Variants in ABI3BP observed in about 807,000 individuals in gnomAD.
The protein encoded by ABI3BP is target of Nesh-SH3.
In ABI3BP, 216 loss-of-function variants were observed where a neutral mutation model predicts 268.6. The ratio of observed to expected loss-of-function variants is 0.80; its 90% confidence interval spans 0.72 to 0.90. The LOEUF (loss-of-function observed/expected upper bound fraction) is 0.90. ABI3BP is among the 40% of genes least tolerant of loss of function. ABI3BP has a pLI of 0.00. For synonymous variants in ABI3BP, 730 were observed against 730.0 expected, an observed-to-expected ratio of 1.00 and a Z score of 0.00; for missense variants, 2,090 against 2,182.4, an observed-to-expected ratio of 0.96 and a Z score of 0.84.
In ABI3BP at chr3:100,749,307, T is replaced by G. The variant is rs1001507087; in HGVS notation, c.*1188A>C. 2.5e-4 allele frequency: 12 copies of G among 48,420 alleles called. No individual in the cohort carries two copies. The Admixed American group carries it at 4.4e-3, about 18-fold the overall frequency. 3.0% of individuals were successfully genotyped at this position (48,420 alleles called of 1,614,324 possible). ...GTATAGTTAACATACTGATGAACCA[T>G]TCAGAAATAACAAACAAAAACTCAA... On this transcript the variant is annotated 3_prime_UTR_variant, in exon 68 of 68. Transcript: ENST00000471714.
At chr3:100,883,148 T>G (rs574069908) in intron 6 of ABI3BP, among the ~76,000 whole-genome samples, 1 of 152,118 alleles carries the variant, frequency 6.6e-6, no homozygotes, top group Admixed American at 6.6e-5. Flanking sequence ...AACCTTACTA[T>G]ATACCATAGT....
chr3:100,804,609 C>T (rs902821924), intron 51 of ABI3BP, among the ~76,000 whole-genome samples, 183 bp downstream of exon 51: 5 of 152,102 alleles, frequency 3.3e-5, no homozygotes, highest in Non-Finnish European at 7.4e-5. Context: ...GTGATCACAG[C>T]TTTACTAGAT....
chr3:100,759,533 A>G (rs1040089523), intron 63 of ABI3BP, among the ~76,000 whole-genome samples: 3 of 152,112 alleles, frequency 2.0e-5, no homozygotes, highest in African/African-American at 7.2e-5. Flanking sequence ...CATAAGGGGC[A>G]TTTTTTTGTG....
intron 6 of ABI3BP, among the ~76,000 whole-genome samples, chr3:100,883,274 T>C (rs1414615970): frequency 6.6e-6 from 1 of 152,118 alleles, no homozygotes; most frequent in East Asian, 1.9e-4. Flanking sequence ...ATAATGCAAT[T>C]GAGATATCAC....
chr3:100,880,660 C>A (rs1018711745), intron 6 of ABI3BP, among the ~76,000 whole-genome samples: 1 of 152,066 alleles, frequency 6.6e-6, no homozygotes, highest in African/African-American at 2.4e-5. Flanking sequence ...TGCTTTCTTG[C>A]CATGGCTAGG....
chr3:100,873,423 G>A (rs1459441337), intron 9 of ABI3BP, among the ~76,000 whole-genome samples: 1 of 152,134 alleles, frequency 6.6e-6, no homozygotes, highest in African/African-American at 2.4e-5. Flanking sequence ...TAAGTCTCCA[G>A]GGCAGGGAGG....
At chr3:100,812,595 C>G in intron 45 of ABI3BP, 72 bp from the exon 46 acceptor site, 1 of 990,708 alleles carries the variant, frequency 1.0e-6, no homozygotes, top group South Asian at 4.0e-5. Flanking sequence ...GCTTTGCATC[C>G]AGTAAGTGTT....
Position 100,796,460 on chromosome 3 carries a change from C to G in ABI3BP, c.3766G>C (p.Asp1256His). 3 of 1,602,030 alleles carry G rather than the reference C, an allele frequency of 1.9e-6. No homozygotes were observed. The highest frequency in any genetic ancestry group is 2.6e-6 in the Non-Finnish European group (3 of 1,173,918). ...TATGGTTTATGAGGAAGGAGCACAT[C>G]TTTTGGAGCTGAAAGAAAAAGATTA... Reference protein sequence around the residue: ...EVSYTTPAPKDVLLPHKPYPE... With the variant: ...EVSYTTPAPKHVLLPHKPYPE... The change falls in exon 52 of 68, where the codon GAT becomes CAT. Residue 1256 changes from aspartate (D) to histidine (H), a missense_variant. Physicochemically the swap from Asp to His is moderately conservative, Grantham distance 81 (BLOSUM62 -1). Coordinates refer to ENST00000471714, the MANE Select transcript of ABI3BP (RefSeq NM_001375547.2).
In ABI3BP at chr3:100,828,505, A is replaced by G. The variant is rs2152762808; in HGVS notation, c.2543-53T>C. 2.8e-6 allele frequency: 4 copies of G among 1,450,772 alleles called. No homozygotes were observed. In the East Asian group the frequency reaches 7.4e-5, roughly 27 times the overall value. The allele number at this position is 1,450,772 out of a possible 1,614,324, so 89.9% of individuals were successfully genotyped here. On this transcript the variant is annotated intron_variant, in intron 33 of 67. Coordinates refer to ENST00000471714, the MANE Select transcript of ABI3BP (RefSeq NM_001375547.2). ...CCAACAAAACATTAAAAATTTATAA[A>G]AACTCAGAACATTCAAAAAGAATTT...
intron 24 of ABI3BP, among the ~76,000 whole-genome samples, chr3:100,839,364 C>G (rs1226379551): frequency 6.6e-6 from 1 of 152,152 alleles, no homozygotes; most frequent in African/African-American, 2.4e-5. Flanking sequence ...TGTCCAAGAC[C>G]ACAGACCTTC....
chr3:100,804,813 C>G lies in ABI3BP; in HGVS notation c.3736G>C (p.Glu1246Gln), dbSNP rs2097655056. 1 of 1,613,042 alleles carries G rather than the reference C, an allele frequency of 6.2e-7. No individual in the cohort carries two copies. Among genetic ancestry groups the G allele is most frequent in the African/African-American group, 1.3e-5 (1 of 74,982 alleles). ...TAKPKTSPSP[E>Q]VSYTTPAPKD... Reference sequence around the variant, plus strand: ...TTACCAGGTGTGGTGTATGACACTTCTGGACTTGGTGACGTTTTTGGTTTT... The same window carrying G: ...TTACCAGGTGTGGTGTATGACACTTGTGGACTTGGTGACGTTTTTGGTTTT... Residue 1246 changes from glutamate to glutamine, a missense_variant, in exon 51 of 68, where the codon GAA (glutamate) becomes CAA (glutamine). By Grantham distance (29) the Glu-to-Gln change is conservative (BLOSUM62 2). Coordinates refer to ENST00000471714, the MANE Select transcript of ABI3BP (RefSeq NM_001375547.2).
In ABI3BP at chr3:100,850,605, A is replaced by G. The variant is rs141795905; in HGVS notation, c.1426+55T>C. The G allele has an allele frequency of 2.1e-3, 2,809 of 1,344,882 alleles. 29 individuals carry two copies. The highest frequency in any genetic ancestry group is 9.5e-4 in the Non-Finnish European group (896 of 940,680). The allele number at this position is 1,344,882 out of a possible 1,614,324, so 83.3% of individuals were successfully genotyped here. On this transcript the variant is annotated intron_variant, in intron 16 of 67. Transcript: ENST00000471714. ...GGTCATTTGGAAGAAAGGCATTCACATGATTTTTTTTTTTGATGGAAAATA... is the reference window on the plus strand; with the variant it reads ...GGTCATTTGGAAGAAAGGCATTCACGTGATTTTTTTTTTTGATGGAAAATA...
Position 100,776,278 on chromosome 3 carries a change from T to C in ABI3BP, c.4334-943A>G, listed in dbSNP as rs60130421. On this transcript the variant is annotated intron_variant, in intron 59 of 67. Transcript: ENST00000471714. Reference sequence around the variant, plus strand: ...GACCCAGCATGGAATCAGGGCTGAGTAGTCAGAAGGGCCTCTGACCTGGCC... The same window carrying C: ...GACCCAGCATGGAATCAGGGCTGAGCAGTCAGAAGGGCCTCTGACCTGGCC... Among the ~76,000 whole-genome samples, 772 of 152,114 alleles carry C rather than the reference T, an allele frequency of 5.1e-3. 8 individuals are homozygous for C. Among genetic ancestry groups the C allele is most frequent in the African/African-American group, 0.018 (737 of 41,486 alleles).
At chr3:100,944,262 C>T (rs1414606541) in intron 1 of ABI3BP, among the ~76,000 whole-genome samples, 2 of 152,098 alleles carry the variant, frequency 1.3e-5, no homozygotes, top group Admixed American at 6.6e-5. Context: ...TCAGAGTGAT[C>T]AGGTATCAAA....
chr3:100,828,004 G>A (rs2098419473), intron 34 of ABI3BP, among the ~76,000 whole-genome samples: 1 of 151,972 alleles, frequency 6.6e-6, no homozygotes, highest in Non-Finnish European at 1.5e-5. Context: ...ATGGCTGCAA[G>A]TGGGATAAAA....
intron 1 of ABI3BP, among the ~76,000 whole-genome samples, chr3:100,966,259 A>G (rs1009849196): frequency 6.6e-6 from 1 of 152,210 alleles, no homozygotes; most frequent in Non-Finnish European, 1.5e-5. Context: ...CAGTTTCTCT[A>G]ATTTGATCAT....
At chr3:100,915,559 G>A (rs1015511293) in intron 2 of ABI3BP, among the ~76,000 whole-genome samples, 1 of 152,216 alleles carries the variant, frequency 6.6e-6, no homozygotes, top group African/African-American at 2.4e-5. Context: ...GGACATGACA[G>A]TTGAGAATCA....
At position 100,751,610 on chromosome 3, in the gene ABI3BP, T is replaced by G. The variant is rs1422486276; in HGVS notation, c.5187A>C (p.Ser1729=). Residue 1729 remains serine, a synonymous_variant, in exon 67 of 68, where the codon TCA becomes TCC. Coordinates refer to ENST00000471714, the MANE Select transcript of ABI3BP (RefSeq NM_001375547.2). ...GCTGCCCAGTGCGTCCATCTAAAAA[T>G]GAATCCACAAACTGGCAGTGATCTT... is the stretch of plus-strand genomic sequence containing the variant. ...HGEDHCQFVD[S]FLDGRTGQQL... is the part of the protein sequence containing the mutation. 2.5e-6 allele frequency: 4 copies of G among 1,601,708 alleles called. No homozygotes were observed. The highest frequency in any genetic ancestry group is 3.4e-6 in the Non-Finnish European group (4 of 1,173,360).
chr3:100,884,934 A>G (rs2041209910), intron 6 of ABI3BP, among the ~76,000 whole-genome samples: 1 of 152,128 alleles, frequency 6.6e-6, no homozygotes, highest in Non-Finnish European at 1.5e-5. Context: ...GGTATATACT[A>G]GACATGATGC....
Sources: allele counts gnomAD v4.1 joint callset (sites outside exome capture counted in the v4.1 genomes callset), GRCh38; gene constraint gnomAD v4.1.1; transcripts MANE v1.5; gene names NCBI Gene and HGNC (gene_info 2026-07-23, HGNC 2026-07-21).